RTTN: variants seen among roughly 807,000 people sequenced by gnomAD.
RTTN encodes the protein rotatin.
A neutral mutation model predicts 269.2 loss-of-function variants in RTTN; 182 were observed. That is an observed-to-expected ratio of 0.68 (90% CI 0.60 to 0.76). The LOEUF (loss-of-function observed/expected upper bound fraction) is 0.76. RTTN is among the 30% of genes least tolerant of loss of function. The pLI is 0.00. For missense variants in RTTN, 2,545 were observed against 2,608.6 expected (o/e 0.98, Z 0.53); for synonymous variants, 1,006 against 963.5 (o/e 1.04, Z -0.82).
At chr18:70,064,336 C>CA (rs11308196) in intron 35 of RTTN, among the ~76,000 whole-genome samples, 1,056 of 61,608 alleles carry the variant, frequency 0.017, 3 homozygotes, top group African/African-American at 0.037. Context: ...AGACTGCCTC[C>CA]AAAAAAAAAA....
At chr18:70,109,060 T>C (rs987878321) in intron 28 of RTTN, among the ~76,000 whole-genome samples, 1 of 152,184 alleles carries the variant, frequency 6.6e-6, no homozygotes, top group African/African-American at 2.4e-5. Context: ...AGCAGTAGCA[T>C]CTAGAACTGC....
At chr18:70,029,262 A>C (rs909576707) in intron 42 of RTTN, among the ~76,000 whole-genome samples, 12 of 152,166 alleles carry the variant, frequency 7.9e-5, no homozygotes, top group African/African-American at 2.9e-4. Context: ...AATGCAGTAG[A>C]AACTAGTTAT....
At chr18:70,096,738 G>A (rs773768238) in intron 28 of RTTN, among the ~76,000 whole-genome samples, 7 of 152,172 alleles carry the variant, frequency 4.6e-5, no homozygotes, top group Non-Finnish European at 8.8e-5. Flanking sequence ...GTCAACCCCT[G>A]CTGGGAGGTG....
At chr18:70,098,056 A>G (rs940999378) in intron 28 of RTTN, among the ~76,000 whole-genome samples, 5 of 58,090 alleles carry the variant, frequency 8.6e-5, no homozygotes, top group Non-Finnish European at 2.7e-4. Context: ...ATGACAAAAA[A>G]TGCTATAAAC....
chr18:70,057,258 T>C (rs750323733), intron 37 of RTTN, among the ~76,000 whole-genome samples: 1 of 152,242 alleles, frequency 6.6e-6, no homozygotes. Flanking sequence ...GTTTTATAAA[T>C]AGATTCTAGC....
chr18:70,138,889 C>T (rs1013365774), intron 21 of RTTN: 2 of 151,890 alleles, frequency 1.3e-5, no homozygotes, highest in African/African-American at 4.8e-5. Context: ...TTGTACGTGA[C>T]TCTTCAGCAC....
chr18:70,114,417 C>T (rs976637869), intron 27 of RTTN, 28 bp downstream of exon 27: 11 of 1,601,636 alleles, frequency 6.9e-6, no homozygotes, highest in Middle Eastern at 1.7e-4. Context: ...TATAAATGCA[C>T]CTAAACCTGC....
At chr18:70,105,061 G>C (rs2059285403) in intron 28 of RTTN, among the ~76,000 whole-genome samples, 1 of 152,106 alleles carries the variant, frequency 6.6e-6, no homozygotes, top group African/African-American at 2.4e-5. Context: ...AGAGGTTTCT[G>C]CTGCCTTTTG....
chr18:70,031,962 G>A (rs780319347), intron 40 of RTTN, among the ~76,000 whole-genome samples: 9 of 152,102 alleles, frequency 5.9e-5, no homozygotes, highest in Non-Finnish European at 8.8e-5. Context: ...CCCACAGGCC[G>A]CTGGAATCCT....
At position 70,149,958 on chromosome 18, in the gene RTTN, T is replaced by C; in HGVS notation, c.2172+13A>G. The C allele has an allele frequency of 1.9e-6, 3 of 1,544,156 alleles. No individual in the cohort carries two copies. Among genetic ancestry groups the C allele is most frequent in the Non-Finnish European group, 2.7e-6 (3 of 1,116,920 alleles). Reference sequence around the variant, plus strand: ...GATAAATGGTATCATAAAAAGTGAATTTCACAGAATACCTGTAGTATTGGG... The same window carrying C: ...GATAAATGGTATCATAAAAAGTGAACTTCACAGAATACCTGTAGTATTGGG... On this transcript the variant is annotated intron_variant, in intron 16 of 48. Coordinates refer to ENST00000640769, the MANE Select transcript of RTTN (RefSeq NM_173630.4).
intron 20 of RTTN, 112 bp from the exon 21 acceptor site, chr18:70,139,828 T>C: frequency 1.4e-6 from 1 of 717,070 alleles, no homozygotes; most frequent in South Asian, 1.9e-5. Context: ...CAAAATTATC[T>C]GAAACTAAAA....
intron 12 of RTTN, among the ~76,000 whole-genome samples, chr18:70,167,548 C>G (rs1454076889): frequency 2.0e-5 from 3 of 151,984 alleles, no homozygotes; most frequent in African/African-American, 7.2e-5. Flanking sequence ...ATGGCGAAAC[C>G]CCGTCTCTAC....
intron 10 of RTTN, among the ~76,000 whole-genome samples, chr18:70,184,483 C>T (rs1043345159): frequency 5.9e-5 from 9 of 151,706 alleles, no homozygotes; most frequent in African/African-American, 1.7e-4. Flanking sequence ...ACCCGGGAGG[C>T]GGACAGTGCA....
At chr18:70,020,858 C>T in intron 44 of RTTN, 41 bp from the exon 45 acceptor site, 1 of 1,546,878 alleles carries the variant, frequency 6.5e-7, no homozygotes. Context: ...TCTCAGTTTC[C>T]CTGTTTAGTT....
At chr18:70,166,024 T>C in intron 14 of RTTN, 38 bp downstream of exon 14, 1 of 1,607,226 alleles carries the variant, frequency 6.2e-7, no homozygotes, top group Middle Eastern at 1.7e-4. Flanking sequence ...CTACTATTTG[T>C]TCTCAAAAAC....
At chr18:70,063,655 G>A (rs999142865) in intron 35 of RTTN, among the ~76,000 whole-genome samples, 12 of 152,106 alleles carry the variant, frequency 7.9e-5, no homozygotes, top group Non-Finnish European at 1.0e-4. Flanking sequence ...AATTTCAAGG[G>A]AAATCTTTCA....
chr18:70,205,139 T>C lies in RTTN; in HGVS notation c.208A>G (p.Arg70Gly), dbSNP rs759058292. 2.5e-6 allele frequency: 4 copies of C among 1,614,060 alleles called. No individual in the cohort carries two copies. Among genetic ancestry groups the C allele is most frequent in the Non-Finnish European group, 3.4e-6 (4 of 1,180,024 alleles). ...CAAAATGACCCTACCTTAACCAATC[T>C]GCTTAACAGGTTCAGAACCTCTTCC... ...MKEEVLNLLS[R>G]LVKYPPAVQH... The change falls in exon 2 of 49, where the codon AGA (arginine) becomes GGA (glycine). Residue 70 changes from arginine (R) to glycine (G), a missense_variant. By Grantham distance (125) the Arg-to-Gly change is moderately radical. Transcript: ENST00000640769.
rs763352928 is a variant in RTTN at position 70,139,678 on chromosome 18, CAA to C, written c.2707_2708del (p.Leu903GlufsTer7). ...ECLVQPCLTLLRKVLCGDPVM... is the reference protein window; with the variant it reads ...ECLVQPCLTLXRKVLCGDPVM... ...CTGGATCACCACATAAAACCTTCCTCAAGAGTGTGAGGCATGGTTGTACCAAA... is the reference window on the plus strand; with the variant it reads ...CTGGATCACCACATAAAACCTTCCTCGAGTGTGAGGCATGGTTGTACCAAA... On this transcript the variant is annotated frameshift_variant, in exon 21 of 49. Coordinates refer to ENST00000640769, the MANE Select transcript of RTTN (RefSeq NM_173630.4). LOFTEE classifies it high-confidence loss of function. 1.2e-6 allele frequency: 2 copies of C among 1,613,290 alleles called. No individual in the cohort carries two copies. The highest frequency in any genetic ancestry group is 3.3e-5 in the Admixed American group (2 of 59,978).
At chr18:70,092,049 G>A in intron 30 of RTTN, 61 bp downstream of exon 30, 1 of 1,058,392 alleles carries the variant, frequency 9.4e-7, no homozygotes, top group South Asian at 1.3e-5. Context: ...CACCGCACCT[G>A]GCCCCGTGTC....
Sources: gnomAD v4.1 joint callset for allele counts (sites outside exome capture counted in the v4.1 genomes callset) on GRCh38, gnomAD v4.1.1 for gene constraint, MANE v1.5 for transcripts, NCBI Gene and HGNC (gene_info 2026-07-23, HGNC 2026-07-21) for gene names.